Variants in DLG1 observed in about 807,000 individuals in gnomAD.
The protein encoded by DLG1 is discs large MAGUK scaffold protein 1, also known as disks large homolog 1.
In DLG1, 42 loss-of-function variants were observed where a neutral mutation model predicts 123.4. The observed-to-expected ratio is 0.34, with a 90% CI of 0.27 to 0.44. The LOEUF (loss-of-function observed/expected upper bound fraction) is 0.44, where lower values mean the gene tolerates loss of function less well. Ranked by LOEUF, DLG1 falls within the 20% of genes least tolerant of loss-of-function variation. The probability of loss-of-function intolerance (pLI) is 1.00; values close to 1 mark genes in which losing one functional copy is unlikely to be tolerated. For missense variants in DLG1, 942 were observed against 1,082.6 expected (o/e 0.87, Z 1.82); for synonymous variants, 317 against 356.2 (o/e 0.89, Z 1.24).
chr3:197,140,160 G>C lies in DLG1; in HGVS notation c.693C>G (p.Ala231=), dbSNP rs374424117. Residue 231 remains alanine, a synonymous_variant, in exon 8 of 25, where the codon GCC becomes GCG. Coordinates refer to ENST00000667157, the MANE Select transcript of DLG1 (RefSeq NM_001366207.1). ...FITKIITGGA[A]AQDGRLRVND... ...CATACCGCAATCTTCCATCTTGGGC[G>C]GCTGCTCCCCCTGTGATAATTTTGG... 4 of 1,613,114 alleles carry C rather than the reference G, an allele frequency of 2.5e-6. No homozygotes were observed. The highest frequency in any genetic ancestry group is 3.4e-6 in the Non-Finnish European group (4 of 1,179,554).
At chr3:197,194,044 A>C (rs1179406249) in intron 5 of DLG1, among the ~76,000 whole-genome samples, 2 of 151,466 alleles carry the variant, frequency 1.3e-5, no homozygotes, top group African/African-American at 4.9e-5. Context: ...CCTGTCTTGA[A>C]CTCTTGACCT....
chr3:197,054,766 T>C (rs1219491776), intron 23 of DLG1, among the ~76,000 whole-genome samples: 1 of 152,076 alleles, frequency 6.6e-6, no homozygotes, highest in African/African-American at 2.4e-5. Context: ...CACCTCAGCT[T>C]TGCATGTAGC....
chr3:197,101,902 C>T (rs1269913761), intron 14 of DLG1, among the ~76,000 whole-genome samples: 7 of 152,046 alleles, frequency 4.6e-5, no homozygotes, highest in South Asian at 2.1e-4. Context: ...CGCACTACCA[C>T]GCATGGCTAA....
intron 4 of DLG1, among the ~76,000 whole-genome samples, chr3:197,216,733 G>A (rs142884522): frequency 1.3e-5 from 2 of 152,322 alleles, no homozygotes; most frequent in East Asian, 3.9e-4. Context: ...TCAGCTAGTG[G>A]TAGGAATCCT....
chr3:197,185,550 C>A (rs1460879323), intron 5 of DLG1, among the ~76,000 whole-genome samples: 2 of 151,962 alleles, frequency 1.3e-5, no homozygotes, highest in Non-Finnish European at 2.9e-5. Flanking sequence ...ATACTAAGGG[C>A]GGACAGGTAA....
intron 24 of DLG1, among the ~76,000 whole-genome samples, chr3:197,048,192 T>C (rs968740033): frequency 3.3e-5 from 5 of 152,174 alleles, no homozygotes; most frequent in African/African-American, 1.2e-4. Flanking sequence ...ATAATGAGGC[T>C]GGGTGCAGTG....
Position 197,183,976 on chromosome 3 carries a change from T to C in DLG1, c.483+10449A>G, listed in dbSNP as rs149168272. On this transcript the variant is annotated intron_variant, in intron 5 of 24. Transcript: ENST00000667157. ...TCATTTTCTCAGTGATTTCTTCCTATGAAAGAGCTCGTATCTTCCCTCTGT... is the reference window on the plus strand; with the variant it reads ...TCATTTTCTCAGTGATTTCTTCCTACGAAAGAGCTCGTATCTTCCCTCTGT... 214 of 1,422,660 alleles carry C rather than the reference T, an allele frequency of 1.5e-4. 2 individuals carry two copies. In the African/African-American group the frequency reaches 2.4e-3, roughly 16 times the overall value. The allele number at this position is 1,422,660 out of a possible 1,614,324, so 88.1% of individuals were successfully genotyped here.
intron 22 of DLG1, among the ~76,000 whole-genome samples, chr3:197,064,394 T>C (rs999069127): frequency 3.3e-5 from 5 of 152,178 alleles, no homozygotes; most frequent in African/African-American, 1.2e-4. Context: ...GGTTTCACCA[T>C]GTTGGCCAGG....
At chr3:197,207,363 T>C (rs544683535) in intron 4 of DLG1, among the ~76,000 whole-genome samples, 3 of 152,334 alleles carry the variant, frequency 2.0e-5, no homozygotes, top group African/African-American at 7.2e-5. Context: ...AATGTCCGGC[T>C]TTACCAAATG....
chr3:197,126,721 T>A (rs1377237777), intron 11 of DLG1, among the ~76,000 whole-genome samples: 1 of 152,200 alleles, frequency 6.6e-6, no homozygotes, highest in Non-Finnish European at 1.5e-5. Flanking sequence ...TAAGACACCA[T>A]CCCTGTACAT....
chr3:197,154,269 T>C (rs752087541), intron 5 of DLG1, among the ~76,000 whole-genome samples: 3 of 151,934 alleles, frequency 2.0e-5, no homozygotes, highest in Non-Finnish European at 2.9e-5. Flanking sequence ...ACCACTGTAC[T>C]CTAGCCTGGG....
At chr3:197,198,033 A>C (rs1723451049) in intron 4 of DLG1, among the ~76,000 whole-genome samples, 1 of 152,224 alleles carries the variant, frequency 6.6e-6, no homozygotes, top group African/African-American at 2.4e-5. Context: ...CATAAGTGTA[A>C]ATCTTTGTGA....
chr3:197,212,211 A>G (rs1731595063), intron 4 of DLG1, among the ~76,000 whole-genome samples: 1 of 146,248 alleles, frequency 6.8e-6, no homozygotes, highest in Non-Finnish European at 1.5e-5. Flanking sequence ...CCCTGAACCT[A>G]AAAGTTTTAA....
intron 5 of DLG1, among the ~76,000 whole-genome samples, chr3:197,191,007 C>G (rs999713360): frequency 6.6e-6 from 1 of 150,924 alleles, no homozygotes; most frequent in Non-Finnish European, 1.5e-5. Context: ...GAGACTTCAA[C>G]TCAAACAAAA....
At chr3:197,091,157 A>C in intron 14 of DLG1, 131 bp from the exon 15 acceptor site, 1 of 533,758 alleles carries the variant, frequency 1.9e-6, no homozygotes, top group Non-Finnish European at 3.2e-6. Context: ...GTAATATGCG[A>C]AAGATTTTGC....
chr3:197,088,127 C>A (rs1035028114), intron 15 of DLG1, among the ~76,000 whole-genome samples: 7 of 152,124 alleles, frequency 4.6e-5, no homozygotes, highest in African/African-American at 1.7e-4. Flanking sequence ...TTATCCCCCC[C>A]TTTACCCCAC....
intron 5 of DLG1, among the ~76,000 whole-genome samples, chr3:197,180,832 T>C (rs966456244): frequency 6.6e-6 from 1 of 152,064 alleles, no homozygotes; most frequent in Non-Finnish European, 1.5e-5. Flanking sequence ...ATACAGGTAC[T>C]GAAGAGGTAT....
chr3:197,283,859 G>GC (rs1770523340), intron 3 of DLG1, among the ~76,000 whole-genome samples: 1 of 104,900 alleles, frequency 9.5e-6, no homozygotes, highest in Non-Finnish European at 1.9e-5. Flanking sequence ...CAGTTGGGTT[G>GC]TTTTTTTTTT....
At chr3:197,153,631 G>C (rs748961161) in intron 5 of DLG1, among the ~76,000 whole-genome samples, 33 of 152,180 alleles carry the variant, frequency 2.2e-4, no homozygotes, top group Non-Finnish European at 4.0e-4. Flanking sequence ...TGACTTCCAG[G>C]AGATTGAAAG....
Sources: gnomAD v4.1 joint callset for allele counts (sites outside exome capture counted in the v4.1 genomes callset) on GRCh38, gnomAD v4.1.1 for gene constraint, MANE v1.5 for transcripts, NCBI Gene and HGNC (gene_info 2026-07-23, HGNC 2026-07-21) for gene names.